The following SEC14L3 variants were observed in gnomAD, a reference collection of about 807,000 sequenced individuals.
SEC14L3 encodes SEC14-like protein 3.
In SEC14L3, 56 loss-of-function variants were observed where a neutral mutation model predicts 57.4. The ratio of observed to expected loss-of-function variants is 0.97; its 90% CI spans 0.79 to 1.22. The LOEUF is 1.22. Among genes scored for constraint, SEC14L3 ranks in the 50% most tolerant of loss-of-function variants. The probability of loss-of-function intolerance (pLI) is 0.00; values close to 1 mark genes in which losing one functional copy is unlikely to be tolerated. For missense variants in SEC14L3, 485 were observed against 511.7 expected (o/e 0.95, Z 0.50); for synonymous variants, 173 against 194.4 (o/e 0.89, Z 0.92).
In SEC14L3 at chr22:30,460,547, G is replaced by A. The variant is rs954544120; in HGVS notation, c.1082-405C>T. 7.9e-5 allele frequency among the ~76,000 whole-genome samples: 12 copies of A among 152,270 alleles called. No individual in the cohort carries two copies. In the South Asian group the frequency reaches 2.1e-3, roughly 26 times the overall value. On this transcript the variant is annotated intron_variant, in intron 11 of 11. Transcript: ENST00000215812. ...TCCTCACAACCACCCCAAAAAGCAG[G>A]TGTTGGCCGGGCACAGTGGCTCACA...
intron 12 of SEC14L3, among the ~76,000 whole-genome samples, chr22:30,451,357 G>A (rs1934977291): frequency 6.6e-6 from 1 of 152,144 alleles, no homozygotes; most frequent in South Asian, 2.1e-4. Context: ...CTTCTGTCTT[G>A]CAGGTGCTTT....
At position 30,470,075 on chromosome 22, in the gene SEC14L3, T is replaced by A. The variant is rs760858549; in HGVS notation, c.178A>T (p.Met60Leu). Residue 60 changes from methionine to leucine, a missense_variant, in exon 4 of 12, where the codon ATG becomes TTG. By Grantham distance (15) the Met-to-Leu change is conservative (BLOSUM62 2). Transcript: ENST00000215812. ...ATATCCATGGTCTTCCGGAACTCCA[T>A]GTACTGAAAGGGAAATGAGTGGTAA... ...QKSEALLRKYMEFRKTMDIDH... is the reference protein window; with the variant it reads ...QKSEALLRKYLEFRKTMDIDH... The A allele has an allele frequency of 1.2e-6, 2 of 1,601,974 alleles. No homozygotes were observed. Among genetic ancestry groups the A allele is most frequent in the South Asian group, 2.2e-5 (2 of 89,380 alleles).
intron 5 of SEC14L3, 66 bp downstream of exon 5, chr22:30,468,442 T>C: frequency 7.9e-7 from 1 of 1,268,420 alleles, no homozygotes; most frequent in Non-Finnish European, 1.1e-6. Flanking sequence ...GGTGTGTTTC[T>C]GAGACCAATC....
At chr22:30,456,198 T>C (rs968938952), downstream of SEC14L3, among the ~76,000 whole-genome samples, 1 of 148,470 alleles carries the variant, frequency 6.7e-6, no homozygotes, top group African/African-American at 2.5e-5. Context: ...ACTTGGGAGG[T>C]TGAGGTGGGA....
chr22:30,466,501 C>A, intron 6 of SEC14L3, 107 bp from the exon 7 acceptor site: 1 of 1,483,596 alleles, frequency 6.7e-7, no homozygotes, highest in South Asian at 1.2e-5. Context: ...TGGAGGGTTT[C>A]CCTTCATGCC....
intron 8 of SEC14L3, among the ~76,000 whole-genome samples, chr22:30,462,667 C>T (rs1217386408): frequency 1.3e-5 from 2 of 151,994 alleles, no homozygotes; most frequent in Admixed American, 6.6e-5. Context: ...AAATGATTGT[C>T]TTACCTGGGC....
At chr22:30,449,099 A>C (rs1489175214) in exon 13 of SEC14L3, 2 of 1,550,476 alleles carry the variant, frequency 1.3e-6, no homozygotes, top group Non-Finnish European at 1.7e-6. Context: ...AGTTACTGGC[A>C]GGGAGGGGTA....
chr22:30,466,450 A>G (rs1935419794), intron 6 of SEC14L3, 56 bp from the exon 7 acceptor site: 3 of 1,612,238 alleles, frequency 1.9e-6, no homozygotes, highest in African/African-American at 2.7e-5. Context: ...TCCTACCTCC[A>G]TCTCCTGTGC....
downstream of SEC14L3, among the ~76,000 whole-genome samples, chr22:30,456,315 A>AAAAC (rs1569226098): frequency 2.0e-5 from 3 of 151,156 alleles, no homozygotes; most frequent in Non-Finnish European, 2.9e-5. Flanking sequence ...AAAAAAAAAA[A>AAAAC]AAACAAACAC....
intron 4 of SEC14L3, chr22:30,468,979 T>C: frequency 7.0e-7 from 1 of 1,418,924 alleles, no homozygotes; most frequent in Non-Finnish European, 9.2e-7. Flanking sequence ...GAGTCGGGTT[T>C]AGTGATGGAG....
chr22:30,454,013 C>T (rs1935035234), intron 12 of SEC14L3, among the ~76,000 whole-genome samples: 1 of 152,146 alleles, frequency 6.6e-6, no homozygotes, highest in South Asian at 2.1e-4. Context: ...TCTTGTCTTA[C>T]TGTTCTTTCT....
chr22:30,450,897 G>T (rs1410856265), intron 12 of SEC14L3, among the ~76,000 whole-genome samples: 1 of 152,260 alleles, frequency 6.6e-6, no homozygotes, highest in Admixed American at 6.5e-5. Flanking sequence ...GTCCAGAGAG[G>T]CCAAGTGACC....
chr22:30,453,847 G>C (rs1935032443), intron 12 of SEC14L3, among the ~76,000 whole-genome samples: 1 of 152,146 alleles, frequency 6.6e-6, no homozygotes, highest in Non-Finnish European at 1.5e-5. Context: ...TCCTGGGGAA[G>C]GGGACACCTA....
intron 1 of SEC14L3, 64 bp from the exon 2 acceptor site, chr22:30,470,646 G>C: frequency 3.7e-6 from 6 of 1,610,036 alleles, no homozygotes; most frequent in Non-Finnish European, 5.1e-6. Context: ...CAGACTCAAA[G>C]ACTGTTTTCA....
intron 7 of SEC14L3, among the ~76,000 whole-genome samples, chr22:30,465,683 A>G (rs1426068092): frequency 6.6e-6 from 1 of 152,140 alleles, no homozygotes; most frequent in African/African-American, 2.4e-5. Context: ...CAGCCACTCA[A>G]TCAGTCAACC....
At chr22:30,457,377 C>CTT (rs60894978), downstream of SEC14L3, among the ~76,000 whole-genome samples, 17 of 136,638 alleles carry the variant, frequency 1.2e-4, no homozygotes, top group South Asian at 4.5e-4. Flanking sequence ...TTAAGTATGT[C>CTT]TTTTTTTTTT....
At chr22:30,468,487 C>G (rs199914110) in intron 5 of SEC14L3, 21 bp downstream of exon 5, 647 of 1,585,752 alleles carry the variant, frequency 4.1e-4, no homozygotes, top group Non-Finnish European at 5.4e-4. Flanking sequence ...AGCCATCCAC[C>G]CCACCTGGCC....
chr22:30,453,443 C>T (rs778271262), intron 12 of SEC14L3, among the ~76,000 whole-genome samples: 9 of 152,136 alleles, frequency 5.9e-5, no homozygotes, highest in East Asian at 1.9e-4. Flanking sequence ...AATGGAGTCT[C>T]GCTCCGTTGC....
downstream of SEC14L3, among the ~76,000 whole-genome samples, chr22:30,454,752 A>C (rs1219412113): frequency 1.3e-5 from 1 of 78,464 alleles, no homozygotes; most frequent in East Asian, 6.6e-4. Flanking sequence ...ATATTATTAT[A>C]TATAATATAT....
Sources: allele counts gnomAD v4.1 joint callset (sites outside exome capture counted in the v4.1 genomes callset), GRCh38; gene constraint gnomAD v4.1.1; transcripts MANE v1.5; gene names NCBI Gene and HGNC (gene_info 2026-07-23, HGNC 2026-07-21).